Variants in ARIH1 observed in about 807,000 individuals in gnomAD.
The protein encoded by ARIH1 is E3 ubiquitin-protein ligase ARIH1.
Under a neutral mutation model 85.0 loss-of-function variants are expected in ARIH1, and 8 were observed. The observed-to-expected ratio is 0.09, with a 90% CI of 0.06 to 0.17. ARIH1 has a LOEUF of 0.17. ARIH1 is among the 10% of genes least tolerant of loss of function. ARIH1 has a pLI of 1.00. For missense variants in ARIH1, 311 were observed against 718.1 expected (o/e 0.43, Z 6.48); for synonymous variants, 238 against 253.6 (o/e 0.94, Z 0.59).
Position 72,594,811 on chromosome 15 carries a change from C to CTTTTTTTTTTTTTT in ARIH1, c.*11533_*11546dup, listed in dbSNP as rs71137306. The CTTTTTTTTTTTTTT allele has an allele frequency of 6.6e-3, 522 of 79,630 alleles. 106 individuals carry two copies. Among genetic ancestry groups the CTTTTTTTTTTTTTT allele is most frequent in the African/African-American group, 0.028 (455 of 16,432 alleles). The allele number at this position is 79,630 out of a possible 1,614,324, so 4.9% of individuals were successfully genotyped here. ...TTTTTCTGATTTTATGCCTTTTCTT[C>CTTTTTTTTTTTTTT]TTTTTTTTTTTTTTTTTTTTTTTTT... On this transcript the variant is annotated 3_prime_UTR_variant, in exon 14 of 14. Transcript: ENST00000379887.
At chr15:72,523,939 CTTTTTTTTTTT>C (rs397853910) in intron 2 of ARIH1, among the ~76,000 whole-genome samples, 8 of 61,672 alleles carry the variant, frequency 1.3e-4, no homozygotes, top group African/African-American at 4.4e-4. Context: ...ACTTTTACAT[CTTTTTTTTTTT>C]TTTTTTTTTT....
intron 2 of ARIH1, among the ~76,000 whole-genome samples, chr15:72,525,191 A>G (rs2064021912): frequency 1.3e-5 from 2 of 152,208 alleles, no homozygotes; most frequent in Admixed American, 1.3e-4. Flanking sequence ...GTGCCTGGCC[A>G]ATTTAGTAGG....
intron 2 of ARIH1, among the ~76,000 whole-genome samples, chr15:72,538,554 A>T (rs1012620555): frequency 1.3e-5 from 2 of 152,224 alleles, no homozygotes; most frequent in African/African-American, 4.8e-5. Context: ...CAGTGATGCC[A>T]CAGTCACTCA....
intron 11 of ARIH1, chr15:72,580,523 T>C: frequency 7.3e-6 from 4 of 544,734 alleles, no homozygotes; most frequent in Non-Finnish European, 1.3e-5. Flanking sequence ...TTTTCCATAA[T>C]GGCTATACTA....
At chr15:72,558,189 A>C (rs1275130015) in intron 5 of ARIH1, among the ~76,000 whole-genome samples, 1 of 152,176 alleles carries the variant, frequency 6.6e-6, no homozygotes, top group Non-Finnish European at 1.5e-5. Context: ...ATGGCTCTTA[A>C]TGTTTTGAGG....
intron 11 of ARIH1, among the ~76,000 whole-genome samples, chr15:72,579,869 T>G (rs1446839649): frequency 6.6e-6 from 1 of 152,244 alleles, no homozygotes; most frequent in African/African-American, 2.4e-5. Flanking sequence ...GTGGAATGTT[T>G]TGAAATATGT....
At chr15:72,533,128 T>C (rs755430729) in intron 2 of ARIH1, among the ~76,000 whole-genome samples, 6 of 152,112 alleles carry the variant, frequency 3.9e-5, no homozygotes, top group African/African-American at 9.7e-5. Flanking sequence ...CCTGTGTTTT[T>C]GGGGGTTTTC....
chr15:72,541,057 C>T (rs1291077415), intron 2 of ARIH1, among the ~76,000 whole-genome samples: 1 of 152,108 alleles, frequency 6.6e-6, no homozygotes, highest in Non-Finnish European at 1.5e-5. Context: ...AGTATGGAGG[C>T]TGCGAAGGCC....
chr15:72,601,869 G>T lies in ARIH1; in HGVS notation c.*18577G>T, dbSNP rs919948542. 3 of 152,100 alleles carry T rather than the reference G, an allele frequency of 2.0e-5. No individual in the cohort carries two copies. Among genetic ancestry groups the T allele is most frequent in the Non-Finnish European group, 4.4e-5 (3 of 68,030 alleles). The allele number at this position is 152,100 out of a possible 1,614,324, so 9.4% of individuals were successfully genotyped here. ...TCTTTAGAACCACTTTTAGCATTTT[G>T]AATATCCTTCCAGAAATATTTTCTA... On this transcript the variant is annotated 3_prime_UTR_variant, in exon 14 of 14. Coordinates refer to ENST00000379887, the MANE Select transcript of ARIH1 (RefSeq NM_005744.5).
chr15:72,482,232 T>A (rs931318893), intron 1 of ARIH1, among the ~76,000 whole-genome samples: 1 of 152,204 alleles, frequency 6.6e-6, no homozygotes, highest in African/African-American at 2.4e-5. Context: ...TAATATAGAA[T>A]GTTGAGTTTT....
intron 2 of ARIH1, 57 bp downstream of exon 2, chr15:72,518,191 C>T (rs2063983528): frequency 1.4e-6 from 2 of 1,431,356 alleles, no homozygotes; most frequent in Non-Finnish European, 1.9e-6. Context: ...GCCTATTGAA[C>T]CGAATTTACA....
chr15:72,562,145 T>C (rs2064200005), intron 6 of ARIH1, among the ~76,000 whole-genome samples: 1 of 152,182 alleles, frequency 6.6e-6, no homozygotes, highest in South Asian at 2.1e-4. Context: ...TTTAATCATG[T>C]TTGAGATTCT....
At chr15:72,556,096 A>G (rs936105492) in intron 5 of ARIH1, among the ~76,000 whole-genome samples, 189 bp downstream of exon 5, 1 of 152,222 alleles carries the variant, frequency 6.6e-6, no homozygotes, top group African/African-American at 2.4e-5. Context: ...ATTCTTACAA[A>G]CTTAGAAATG....
intron 7 of ARIH1, among the ~76,000 whole-genome samples, chr15:72,563,907 C>T (rs1392147366): frequency 6.6e-6 from 1 of 152,112 alleles, no homozygotes; most frequent in African/African-American, 2.4e-5. Flanking sequence ...TAAGAGTTTT[C>T]CTGTGGCTCC....
chr15:72,506,070 C>T (rs2063923213), intron 1 of ARIH1, among the ~76,000 whole-genome samples: 3 of 26,188 alleles, frequency 1.1e-4, no homozygotes, highest in Non-Finnish European at 2.0e-3. Flanking sequence ...TCATTGTGGG[C>T]CAGGCGCGTG....
intron 2 of ARIH1, among the ~76,000 whole-genome samples, chr15:72,519,024 C>T (rs530867952): frequency 6.6e-6 from 1 of 152,032 alleles, no homozygotes; most frequent in South Asian, 2.1e-4. Flanking sequence ...TGGAGAATGA[C>T]AGTATTAATG....
chr15:72,503,099 A>G (rs2063910367), intron 1 of ARIH1, among the ~76,000 whole-genome samples: 1 of 152,224 alleles, frequency 6.6e-6, no homozygotes, highest in South Asian at 2.1e-4. Context: ...TAAGTAGTCT[A>G]GAAGGCCAAA....
chr15:72,489,780 T>C, intron 1 of ARIH1, among the ~76,000 whole-genome samples: 1 of 152,186 alleles, frequency 6.6e-6, no homozygotes, highest in East Asian at 1.9e-4. Context: ...ACACTACCAG[T>C]TTGTCTTTTG....
At position 72,585,380 on chromosome 15, in the gene ARIH1, A is replaced by G. The variant is rs1286788754; in HGVS notation, c.*2088A>G. 6.6e-6 allele frequency: 1 copy of G among 152,118 alleles called. No homozygotes were observed. The highest frequency in any genetic ancestry group is 1.5e-5 in the Non-Finnish European group (1 of 68,026). The allele number at this position is 152,118 out of a possible 1,614,324, so 9.4% of individuals were successfully genotyped here. A position where few individuals can be genotyped will look rare whatever the true frequency, so the allele number is the denominator to read the frequency against. Reference sequence around the variant, plus strand: ...TATTTTACTTCAAATGACAGCATCAATCTTAAAAAGATATACATTAAAACT... The same window carrying G: ...TATTTTACTTCAAATGACAGCATCAGTCTTAAAAAGATATACATTAAAACT... On this transcript the variant is annotated 3_prime_UTR_variant, in exon 14 of 14. Transcript: ENST00000379887.
Sources: gnomAD v4.1 joint callset for allele counts (sites outside exome capture counted in the v4.1 genomes callset) on GRCh38, gnomAD v4.1.1 for gene constraint, MANE v1.5 for transcripts, NCBI Gene and HGNC (gene_info 2026-07-23, HGNC 2026-07-21) for gene names.